SBF2: variants seen among roughly 807,000 people sequenced by gnomAD.
The protein encoded by SBF2 is SET binding factor 2.
SBF2 carries 112 observed loss-of-function variants against 225.2 expected under a neutral mutation model. The observed-to-expected ratio is 0.50, with a 90% confidence interval of 0.43 to 0.58. The LOEUF (loss-of-function observed/expected upper bound fraction) is 0.58, where lower values mean the gene tolerates loss of function less well. SBF2 is among the 20% of genes least tolerant of loss of function. The pLI is 0.00. For synonymous variants in SBF2, 763 were observed against 773.3 expected (o/e 0.99, Z 0.22); for missense variants, 1,996 against 2,206.2 (o/e 0.90, Z 1.91).
At chr11:10,041,783 A>C (rs1369039753) in intron 3 of SBF2, among the ~76,000 whole-genome samples, 1 of 149,030 alleles carries the variant, frequency 6.7e-6, no homozygotes, top group Non-Finnish European at 1.5e-5. Context: ...AAGCAGGCCA[A>C]TCTTTTCCCC....
intron 2 of SBF2, among the ~76,000 whole-genome samples, chr11:10,108,698 G>A (rs1285424016): frequency 2.0e-5 from 3 of 151,222 alleles, no homozygotes; most frequent in African/African-American, 7.3e-5. Context: ...CTAATTTTTT[G>A]TATTTTTAGT....
At chr11:9,915,538 C>T (rs1160253571) in intron 16 of SBF2, 1 of 150,758 alleles carries the variant, frequency 6.6e-6, no homozygotes, top group Non-Finnish European at 1.5e-5. Context: ...GAAGAGATAA[C>T]ATTAATAATT....
At chr11:10,302,323 G>A (rs1406431727) in intron 1 of SBF2, among the ~76,000 whole-genome samples, 1 of 152,254 alleles carries the variant, frequency 6.6e-6, no homozygotes, top group Non-Finnish European at 1.5e-5. Context: ...GCTTTGGGGA[G>A]CACTCTAGCC....
At chr11:9,971,970 G>A (rs915701632) in intron 13 of SBF2, among the ~76,000 whole-genome samples, 1 of 152,182 alleles carries the variant, frequency 6.6e-6, no homozygotes, top group African/African-American at 2.4e-5. Flanking sequence ...GACTATGTGA[G>A]AAAATATGAT....
intron 2 of SBF2, among the ~76,000 whole-genome samples, chr11:10,140,300 T>C (rs1954579645): frequency 6.6e-6 from 1 of 152,192 alleles, no homozygotes; most frequent in African/African-American, 2.4e-5. Flanking sequence ...ACAATATGAT[T>C]AGAGCACTGG....
intron 6 of SBF2, among the ~76,000 whole-genome samples, chr11:10,009,717 C>T (rs572646016): frequency 4.9e-4 from 75 of 152,322 alleles, no homozygotes; most frequent in African/African-American, 1.7e-3. Context: ...CTGCAATAAA[C>T]ATACGTGTGC....
intron 2 of SBF2, among the ~76,000 whole-genome samples, chr11:10,167,531 G>A (rs1956015345): frequency 6.6e-6 from 1 of 152,092 alleles, no homozygotes; most frequent in Non-Finnish European, 1.5e-5. Flanking sequence ...ACCACAGACT[G>A]TACTCCAGCC....
At chr11:10,164,621 C>T (rs1189792780) in intron 2 of SBF2, among the ~76,000 whole-genome samples, 1 of 152,180 alleles carries the variant, frequency 6.6e-6, no homozygotes, top group Non-Finnish European at 1.5e-5. Flanking sequence ...GAGCACGGTG[C>T]TTCCTTTAAT....
chr11:9,853,616 G>A lies in SBF2; in HGVS notation c.2460C>T (p.Thr820=). The A allele has an allele frequency of 6.2e-7, 1 of 1,613,832 alleles. No individual in the cohort carries two copies. The highest frequency in any genetic ancestry group is 1.1e-5 in the South Asian group (1 of 91,056). Residue 820 remains threonine (T), a synonymous_variant, in exon 20 of 40, where the codon ACC becomes ACT. Coordinates refer to ENST00000256190, the MANE Select transcript of SBF2 (RefSeq NM_030962.4). ...CTGTACAAACTTTGTCAATAAATCG[G>A]GTAATGAACCGCACAACAGAATTGG... ...DIANSVVRFI[T]RFIDKVCTES... is the part of the protein sequence containing the mutation.
chr11:10,173,782 C>G (rs990854343), intron 2 of SBF2, among the ~76,000 whole-genome samples: 9 of 149,456 alleles, frequency 6.0e-5, no homozygotes, highest in Non-Finnish European at 1.0e-4. Flanking sequence ...TTGAAGAGAG[C>G]AGTGGTTCTC....
rs142583741 is a variant in SBF2, at chr11:9,917,153, C to T, written c.1861-21142G>A. Among the ~76,000 whole-genome samples, 58 of 151,670 alleles carry T rather than the reference C, an allele frequency of 3.8e-4. No individual in the cohort carries two copies. In the East Asian group the frequency reaches 0.01, roughly 27 times the overall value. On this transcript the variant is annotated intron_variant, in intron 16 of 39. Coordinates refer to ENST00000256190, the MANE Select transcript of SBF2 (RefSeq NM_030962.4). ...GAAAGCAAAATATCTTGTGATAAAT[C>T]CTGCCATCTTTGAATATCAATGTAA...
intron 2 of SBF2, among the ~76,000 whole-genome samples, chr11:10,094,276 T>C (rs1486916350): frequency 6.6e-6 from 1 of 152,150 alleles, no homozygotes; most frequent in Non-Finnish European, 1.5e-5. Flanking sequence ...TGAGCTGAGA[T>C]GGTGCCATTG....
chr11:9,799,684 A>C (rs1853365675), intron 32 of SBF2, among the ~76,000 whole-genome samples: 3 of 152,228 alleles, frequency 2.0e-5, no homozygotes, highest in African/African-American at 7.2e-5. Flanking sequence ...CCATCATGTA[A>C]GAAGAAATGA....
chr11:9,821,245 T>C (rs536888247), intron 28 of SBF2, among the ~76,000 whole-genome samples: 4 of 152,316 alleles, frequency 2.6e-5, no homozygotes, highest in South Asian at 2.1e-4. Flanking sequence ...AAAGAATTTG[T>C]TGATTATTTA....
chr11:9,971,298 T>G lies in SBF2; in HGVS notation c.1396-2753A>C, dbSNP rs377692602. Among the ~76,000 whole-genome samples, 11 of 152,224 alleles carry G rather than the reference T, an allele frequency of 7.2e-5. No individual in the cohort carries two copies. The East Asian group carries it at 1.3e-3, about 19-fold the overall frequency. ...ATCTTAGTAACACCAGTATTTTTTC[T>G]AGTTATATATATATATTTTTCTCTA... On this transcript the variant is annotated intron_variant, in intron 13 of 39. Transcript: ENST00000256190.
intron 13 of SBF2, among the ~76,000 whole-genome samples, chr11:9,979,811 T>C (rs1274815005): frequency 1.7e-5 from 2 of 114,712 alleles, no homozygotes; most frequent in Non-Finnish European, 3.5e-5. Context: ...TAAATTCATC[T>C]TTTTTTTTTT....
chr11:9,805,057 C>T (rs1164515643), intron 32 of SBF2, among the ~76,000 whole-genome samples: 1 of 152,112 alleles, frequency 6.6e-6, no homozygotes, highest in African/African-American at 2.4e-5. Flanking sequence ...CTAGCCTGGA[C>T]AACATGGCAA....
chr11:9,790,464 T>C (rs1852669550), intron 34 of SBF2, 92 bp downstream of exon 34: 2 of 1,142,360 alleles, frequency 1.8e-6, no homozygotes, highest in African/African-American at 1.6e-5. Flanking sequence ...CCAATGTTTA[T>C]AAAAAGCTTA....
chr11:9,865,704 AAAAAAAAAAAAAG>A (rs1403476432), intron 17 of SBF2, among the ~76,000 whole-genome samples: 2 of 146,964 alleles, frequency 1.4e-5, no homozygotes, highest in Non-Finnish European at 3.0e-5. Flanking sequence ...AAAAAAAAAA[AAAAAAAAAAAAAG>A]GCGGGAGGCG....
Sources: gnomAD v4.1 joint callset for allele counts (sites outside exome capture counted in the v4.1 genomes callset) on GRCh38, gnomAD v4.1.1 for gene constraint, MANE v1.5 for transcripts, NCBI Gene and HGNC (gene_info 2026-07-23, HGNC 2026-07-21) for gene names.